LAMA2: variants seen among roughly 807,000 people sequenced by gnomAD.
LAMA2 encodes laminin subunit alpha 2, also known as laminin subunit alpha-2.
In LAMA2, 269 loss-of-function variants were observed where a neutral mutation model predicts 364.8. The ratio of observed to expected loss-of-function variants is 0.74; its 90% CI spans 0.67 to 0.82. The LOEUF is 0.82. Ranked by LOEUF, LAMA2 falls within the 40% of genes least tolerant of loss-of-function variation. The pLI is 0.00. For synonymous variants in LAMA2, 1,379 were observed against 1,370.6 expected (o/e 1.01, Z -0.14); for missense variants, 3,807 against 3,873.2 (o/e 0.98, Z 0.45).
chr6:128,883,835 CAT>C (rs71543147), intron 1 of LAMA2, among the ~76,000 whole-genome samples: 2,622 of 117,670 alleles, frequency 0.022, 43 homozygotes, highest in Non-Finnish European at 0.021. Context: ...CACACACACA[CAT>C]ATATATATAT....
intron 12 of LAMA2, among the ~76,000 whole-genome samples, chr6:129,235,122 T>C (rs1162600272): frequency 2.0e-5 from 3 of 152,158 alleles, no homozygotes; most frequent in African/African-American, 7.2e-5. Context: ...CACTAGTGAA[T>C]GCCCATGTGA....
intron 1 of LAMA2, among the ~76,000 whole-genome samples, chr6:129,041,595 CAT>C (rs1169387146): frequency 6.6e-6 from 1 of 152,190 alleles, no homozygotes. Flanking sequence ...ATAAATCTTA[CAT>C]ATGTGTCATA....
At position 129,267,183 on chromosome 6, in the gene LAMA2, T is replaced by C. The variant is rs762354749; in HGVS notation, c.2286T>C (p.His762=). Residue 762 remains histidine (H), a synonymous_variant, in exon 16 of 65, where the codon CAT becomes CAC. Transcript: ENST00000421865. ...GICEPCQCFG[H]AESCDDVTGE... ...GTGAGCCATGTCAGTGCTTTGGTCATGCGGAGTCCTGTGATGACGTCACTG... is the reference window on the plus strand; with the variant it reads ...GTGAGCCATGTCAGTGCTTTGGTCACGCGGAGTCCTGTGATGACGTCACTG... 5 of 1,613,120 alleles carry C rather than the reference T, an allele frequency of 3.1e-6. No homozygotes were observed. The highest frequency in any genetic ancestry group is 4.2e-6 in the Non-Finnish European group (5 of 1,179,336).
chr6:129,431,567 G>A (rs900338147), intron 41 of LAMA2, among the ~76,000 whole-genome samples: 2 of 152,086 alleles, frequency 1.3e-5, no homozygotes, highest in African/African-American at 4.8e-5. Context: ...CAATGCAGGG[G>A]TTGGAGAGCA....
At chr6:128,961,833 G>A (rs1191678947) in intron 1 of LAMA2, among the ~76,000 whole-genome samples, 1 of 151,802 alleles carries the variant, frequency 6.6e-6, no homozygotes, top group East Asian at 2.0e-4. Context: ...GTGGTCTCTT[G>A]CCAGGTCAGC....
intron 4 of LAMA2, among the ~76,000 whole-genome samples, chr6:129,124,216 C>T (rs1776976146): frequency 6.6e-6 from 1 of 152,136 alleles, no homozygotes; most frequent in South Asian, 2.1e-4. Flanking sequence ...GAAAGCTTGG[C>T]ACATCTGTTG....
chr6:129,449,569 T>C (rs1782560617), intron 45 of LAMA2, among the ~76,000 whole-genome samples: 1 of 152,214 alleles, frequency 6.6e-6, no homozygotes, highest in South Asian at 2.1e-4. Context: ...AAATGAATTT[T>C]GTTGGACACA....
chr6:129,019,945 T>A (rs1358312934), intron 1 of LAMA2, among the ~76,000 whole-genome samples: 2 of 151,890 alleles, frequency 1.3e-5, no homozygotes, highest in African/African-American at 4.8e-5. Flanking sequence ...ATCAGCCAGG[T>A]GTGGTGGCAG....
At chr6:129,438,474 C>T (rs1407319763) in intron 41 of LAMA2, among the ~76,000 whole-genome samples, 172 bp from the exon 42 acceptor site, 1 of 151,816 alleles carries the variant, frequency 6.6e-6, no homozygotes, top group African/African-American at 2.4e-5. Context: ...AATAAAAACA[C>T]ATATTTTTAA....
chr6:129,173,035 G>A (rs1197733499), intron 9 of LAMA2, among the ~76,000 whole-genome samples: 18 of 152,162 alleles, frequency 1.2e-4, no homozygotes, highest in Admixed American at 1.0e-3. Flanking sequence ...TTCGGCTCGC[G>A]CAGGGTGCGC....
intron 4 of LAMA2, among the ~76,000 whole-genome samples, chr6:129,142,291 C>G (rs965740133): frequency 1.3e-5 from 2 of 151,944 alleles, no homozygotes; most frequent in African/African-American, 4.8e-5. Context: ...GGCTGAAAAT[C>G]TGAGATCAGG....
At chr6:128,915,841 A>G (rs945467638) in intron 1 of LAMA2, among the ~76,000 whole-genome samples, 1 of 152,212 alleles carries the variant, frequency 6.6e-6, no homozygotes, top group African/African-American at 2.4e-5. Context: ...ATTTGTAGTG[A>G]AAACAACCGT....
At chr6:128,908,261 G>A (rs1315653323) in intron 1 of LAMA2, among the ~76,000 whole-genome samples, 1 of 151,276 alleles carries the variant, frequency 6.6e-6, no homozygotes, top group East Asian at 1.9e-4. Context: ...AATCCATCTG[G>A]TCCTGGACTC....
intron 28 of LAMA2, among the ~76,000 whole-genome samples, chr6:129,326,160 A>G (rs1298367776): frequency 1.3e-5 from 2 of 152,130 alleles, no homozygotes; most frequent in African/African-American, 4.8e-5. Flanking sequence ...GCCCTTTTAA[A>G]TGCACACATA....
intron 1 of LAMA2, among the ~76,000 whole-genome samples, chr6:128,922,738 T>A (rs1321911588): frequency 6.6e-6 from 1 of 152,210 alleles, no homozygotes; most frequent in Non-Finnish European, 1.5e-5. Flanking sequence ...CCATTTTGGC[T>A]TTTGTTGCCA....
chr6:129,197,874 G>A (rs922589105), intron 12 of LAMA2, among the ~76,000 whole-genome samples: 6 of 152,178 alleles, frequency 3.9e-5, no homozygotes, highest in African/African-American at 4.8e-5. Flanking sequence ...TTACATATCC[G>A]TCATAACATT....
At chr6:128,911,351 T>C (rs534814563) in intron 1 of LAMA2, among the ~76,000 whole-genome samples, 1 of 152,268 alleles carries the variant, frequency 6.6e-6, no homozygotes, top group East Asian at 1.9e-4. Flanking sequence ...TCGCCGTTTT[T>C]TAAGCCCGTC....
At chr6:128,894,188 C>T (rs1776632114) in intron 1 of LAMA2, among the ~76,000 whole-genome samples, 1 of 152,076 alleles carries the variant, frequency 6.6e-6, no homozygotes, top group South Asian at 2.1e-4. Flanking sequence ...CTATCTTACA[C>T]CTGGAAAGAA....
At chr6:129,374,120 G>T (rs991888484) in intron 34 of LAMA2, among the ~76,000 whole-genome samples, 8 of 152,104 alleles carry the variant, frequency 5.3e-5, no homozygotes, top group Admixed American at 2.6e-4. Flanking sequence ...CTTCCATGCA[G>T]ACCATAAATA....
Sources: gnomAD v4.1 joint callset for allele counts (sites outside exome capture counted in the v4.1 genomes callset) on GRCh38, gnomAD v4.1.1 for gene constraint, MANE v1.5 for transcripts, NCBI Gene and HGNC (gene_info 2026-07-23, HGNC 2026-07-21) for gene names.